Variants in TRIM9 observed in about 807,000 individuals in gnomAD.
TRIM9 encodes the protein E3 ubiquitin-protein ligase TRIM9.
TRIM9 carries 26 observed loss-of-function variants against 78.3 expected under a neutral mutation model. The observed-to-expected ratio is 0.33, with a 90% CI of 0.24 to 0.46. The LOEUF (loss-of-function observed/expected upper bound fraction) is 0.46, where lower values mean the gene tolerates loss of function less well. TRIM9 is among the 20% of genes least tolerant of loss of function. The probability of loss-of-function intolerance (pLI) is 1.00; values close to 1 mark genes in which losing one functional copy is unlikely to be tolerated. For synonymous variants in TRIM9, 398 were observed against 416.5 expected (o/e 0.96, Z 0.54); for missense variants, 787 against 1,036.4 (o/e 0.76, Z 3.30).
chr14:51,024,609 G>T (rs1270625790), intron 2 of TRIM9, among the ~76,000 whole-genome samples: 1 of 152,204 alleles, frequency 6.6e-6, no homozygotes, highest in East Asian at 1.9e-4. Flanking sequence ...CTATAGTGGA[G>T]AATTTATGAG....
chr14:51,067,175 C>T (rs1407439984), intron 1 of TRIM9, among the ~76,000 whole-genome samples: 2 of 152,148 alleles, frequency 1.3e-5, no homozygotes, highest in Admixed American at 6.6e-5. Flanking sequence ...TAAACTAGTT[C>T]CCTCCCCAGT....
chr14:51,093,573 C>A (rs2140396647), intron 1 of TRIM9, among the ~76,000 whole-genome samples: 1 of 152,370 alleles, frequency 6.6e-6, no homozygotes, highest in African/African-American at 2.4e-5. Flanking sequence ...AGAGCCAGGT[C>A]TGGCCCAGAG....
At chr14:51,002,260 T>G (rs1234447002) in intron 5 of TRIM9, among the ~76,000 whole-genome samples, 2 of 151,550 alleles carry the variant, frequency 1.3e-5, no homozygotes, top group African/African-American at 4.8e-5. Context: ...TAGCTGGGAC[T>G]ACAGGCCCCT....
intron 1 of TRIM9, among the ~76,000 whole-genome samples, chr14:51,087,169 CT>C (rs1408007006): frequency 6.6e-6 from 1 of 151,950 alleles, no homozygotes; most frequent in African/African-American, 2.4e-5. Context: ...GTCTGGTGAT[CT>C]GAAGGTTTGG....
rs746611272 is a variant in TRIM9, at chr14:50,979,381, G to T, written c.2325+6C>A. 6.8e-6 allele frequency: 11 copies of T among 1,614,100 alleles called. No homozygotes were observed. Among genetic ancestry groups the T allele is most frequent in the Non-Finnish European group, 7.6e-6 (9 of 1,180,054 alleles). ...AGCTGTTTAACCTCAGGGGCAGGGTGCTTACCTGCACGTTCCTGTTCAGGC... is the reference window on the plus strand; with the variant it reads ...AGCTGTTTAACCTCAGGGGCAGGGTTCTTACCTGCACGTTCCTGTTCAGGC... On this transcript the variant is annotated splice_donor_region_variant and intron_variant, in intron 12 of 12. Transcript: ENST00000684578.
At position 50,979,486 on chromosome 14, in the gene TRIM9, GT is replaced by G. The variant is rs1566537620; in HGVS notation, c.2225del (p.Asn742ThrfsTer2). 2 of 1,614,044 alleles carry G rather than the reference GT, an allele frequency of 1.2e-6. No homozygotes were observed. Among genetic ancestry groups the G allele is most frequent in the South Asian group, 1.1e-5 (1 of 91,088 alleles). Reference sequence around the variant, plus strand: ...GTTCATCGTTGATAAAAAATGTCAAGTTTTTTCTATTTAAGTCGAGGAGGAC... The same window carrying G: ...GTTCATCGTTGATAAAAAATGTCAAGTTTTTCTATTTAAGTCGAGGAGGAC... Reference protein sequence around the residue: ...IGVLLDLNRKNLTFFINDEQQ... With the variant: ...IGVLLDLNRKXLTFFINDEQQ... On this transcript the variant is annotated frameshift_variant, in exon 12 of 13. Transcript: ENST00000684578. LOFTEE classifies it high-confidence loss of function.
chr14:51,068,432 GA>G (rs372619774), intron 1 of TRIM9, among the ~76,000 whole-genome samples: 163 of 152,324 alleles, frequency 1.1e-3, no homozygotes, highest in African/African-American at 3.8e-3. Flanking sequence ...CTCACAAGGG[GA>G]AGATAAAATA....
chr14:51,051,859 A>G (rs185831948), intron 1 of TRIM9, among the ~76,000 whole-genome samples: 179 of 152,026 alleles, frequency 1.2e-3, no homozygotes, highest in Non-Finnish European at 1.9e-3. Context: ...CCCAGCTACT[A>G]AGGAGGCTGA....
At chr14:51,059,480 AAAAACAAAAC>A (rs369741709) in intron 1 of TRIM9, among the ~76,000 whole-genome samples, 86 of 151,948 alleles carry the variant, frequency 5.7e-4, no homozygotes, top group African/African-American at 1.9e-3. Context: ...AAGAGAATGA[AAAAACAAAAC>A]AAAACAAAAC....
chr14:51,029,016 G>T (rs891280116), intron 1 of TRIM9, among the ~76,000 whole-genome samples: 1 of 152,012 alleles, frequency 6.6e-6, no homozygotes, highest in East Asian at 1.9e-4. Flanking sequence ...TACTTCTCAC[G>T]CTCAGCAAAT....
At chr14:51,005,359 A>G (rs1340688931) in intron 5 of TRIM9, among the ~76,000 whole-genome samples, 2 of 152,180 alleles carry the variant, frequency 1.3e-5, no homozygotes, top group Non-Finnish European at 2.9e-5. Context: ...ACTTAAGGGG[A>G]TTAACAGCCA....
At chr14:51,035,812 G>T (rs2059096186) in intron 1 of TRIM9, among the ~76,000 whole-genome samples, 1 of 152,208 alleles carries the variant, frequency 6.6e-6, no homozygotes, top group South Asian at 2.1e-4. Flanking sequence ...TTACACAAAG[G>T]CTTAGCCCAA....
At chr14:51,050,419 T>C (rs1412889548) in intron 1 of TRIM9, among the ~76,000 whole-genome samples, 1 of 152,184 alleles carries the variant, frequency 6.6e-6, no homozygotes, top group African/African-American at 2.4e-5. Context: ...ATGTAAGACA[T>C]GCCTTTCGCC....
intron 7 of TRIM9, among the ~76,000 whole-genome samples, chr14:50,995,901 A>T (rs1205265194): frequency 6.6e-6 from 1 of 152,116 alleles, no homozygotes; most frequent in East Asian, 1.9e-4. Context: ...AAAAACAAAC[A>T]AAAAAGAGAT....
intron 1 of TRIM9, among the ~76,000 whole-genome samples, chr14:51,031,381 C>T (rs10152028): frequency 0.85 from 129,086 of 152,042 alleles, 55,323 homozygotes; most frequent in African/African-American, 0.88. Context: ...CAAAAGAATT[C>T]GATGTTGTTC....
chr14:51,021,653 T>C (rs1310145845), intron 3 of TRIM9, among the ~76,000 whole-genome samples: 1 of 152,194 alleles, frequency 6.6e-6, no homozygotes, highest in Non-Finnish European at 1.5e-5. Flanking sequence ...GCACACCACA[T>C]ACCCACCACC....
At chr14:51,038,947 T>C (rs564010038) in intron 1 of TRIM9, among the ~76,000 whole-genome samples, 33 of 152,388 alleles carry the variant, frequency 2.2e-4, no homozygotes, top group African/African-American at 6.7e-4. Context: ...CATCAGCTAA[T>C]GTCTTCCCCT....
At chr14:50,991,259 C>T (rs2053474147) in intron 7 of TRIM9, among the ~76,000 whole-genome samples, 1 of 152,084 alleles carries the variant, frequency 6.6e-6, no homozygotes, top group Admixed American at 6.5e-5. Context: ...AGCACACTTC[C>T]CAGAACCAAA....
chr14:51,043,293 T>C (rs1176932764), intron 1 of TRIM9, among the ~76,000 whole-genome samples: 1 of 152,192 alleles, frequency 6.6e-6, no homozygotes, highest in African/African-American at 2.4e-5. Flanking sequence ...ATAGACTCTA[T>C]GGCCTTGAGA....
Sources: gnomAD v4.1 joint callset for allele counts (sites outside exome capture counted in the v4.1 genomes callset) on GRCh38, gnomAD v4.1.1 for gene constraint, MANE v1.5 for transcripts, NCBI Gene and HGNC (gene_info 2026-07-23, HGNC 2026-07-21) for gene names.